Variants in DYSF observed in about 807,000 individuals in gnomAD.
DYSF encodes the protein dysferlin.
In DYSF, 212 loss-of-function variants were observed where a neutral mutation model predicts 274.9. The ratio of observed to expected loss-of-function variants is 0.77; its 90% CI spans 0.69 to 0.86. The LOEUF is 0.86. DYSF is among the 40% of genes least tolerant of loss of function. The pLI, the probability that DYSF is intolerant of heterozygous loss-of-function variation, is 0.00. For synonymous variants in DYSF, 1,091 were observed against 1,078.7 expected, an observed-to-expected ratio of 1.01 and a Z score of -0.22; for missense variants, 2,666 against 2,783.2, an observed-to-expected ratio of 0.96 and a Z score of 0.95.
intron 53 of DYSF, among the ~76,000 whole-genome samples, chr2:71,679,684 A>G (rs1444156971): frequency 6.6e-6 from 1 of 152,176 alleles, no homozygotes; most frequent in African/African-American, 2.4e-5. Flanking sequence ...CCCTGAGTCC[A>G]CAGCAGCCAT....
intron 1 of DYSF, among the ~76,000 whole-genome samples, chr2:71,470,673 C>CA (rs776955310): frequency 0.032 from 1,820 of 57,650 alleles, 102 homozygotes; most frequent in African/African-American, 0.043. Flanking sequence ...GACTCCATCT[C>CA]AAAAAAAAAA....
At chr2:71,498,646 G>A (rs551372150) in intron 3 of DYSF, among the ~76,000 whole-genome samples, 4 of 152,300 alleles carry the variant, frequency 2.6e-5, no homozygotes, top group Non-Finnish European at 4.4e-5. Flanking sequence ...AAGTTACTCT[G>A]GTCTCCAGGC....
intron 40 of DYSF, among the ~76,000 whole-genome samples, chr2:71,619,990 G>T (rs6546706): frequency 0.46 from 69,756 of 151,976 alleles, 16,057 homozygotes; most frequent in East Asian, 0.48. Flanking sequence ...GAGTGGAGGT[G>T]GGACTATAAG....
intron 3 of DYSF, among the ~76,000 whole-genome samples, chr2:71,487,716 T>C (rs543711116): frequency 6.6e-6 from 1 of 152,162 alleles, no homozygotes; most frequent in Admixed American, 6.5e-5. Context: ...ACCCTGTTGG[T>C]CAGGCTGGTC....
At chr2:71,569,466 A>G (rs1447540446) in intron 26 of DYSF, among the ~76,000 whole-genome samples, 1 of 152,224 alleles carries the variant, frequency 6.6e-6, no homozygotes, top group Non-Finnish European at 1.5e-5. Context: ...GAAGTATAAC[A>G]TATTATACAG....
At position 71,570,679 on chromosome 2, in the gene DYSF, C is replaced by A. The variant is rs369607332; in HGVS notation, c.3166C>A (p.Arg1056=). The change falls in exon 29 of 56, where the codon CGA becomes AGA. Residue 1056 remains arginine (R), a synonymous_variant. Transcript: ENST00000410020. ...VPAEKMYYTH[R]RRRWVRLRRR... is the part of the protein sequence containing the mutation. ...TGCTGAGAAGATGTACTACACACAC[C>A]GACGGCGGCGCTGGGTGCGCCTGCG... 6 of 1,613,960 alleles carry A rather than the reference C, an allele frequency of 3.7e-6. No homozygotes were observed. The highest frequency in any genetic ancestry group is 4.2e-6 in the Non-Finnish European group (5 of 1,179,988).
chr2:71,569,360 A>C (rs2092297372), intron 26 of DYSF, among the ~76,000 whole-genome samples: 1 of 151,818 alleles, frequency 6.6e-6, no homozygotes, highest in Admixed American at 6.6e-5. Flanking sequence ...GTCCTTCTCC[A>C]TGTCTATTGC....
intron 51 of DYSF, among the ~76,000 whole-genome samples, chr2:71,669,965 C>T (rs2152956861): frequency 6.6e-6 from 1 of 152,254 alleles, no homozygotes; most frequent in South Asian, 2.1e-4. Flanking sequence ...GGCCTCTGTC[C>T]CATCACAGCC....
chr2:71,626,696 A>C (rs1246798236), intron 41 of DYSF, among the ~76,000 whole-genome samples: 1 of 151,674 alleles, frequency 6.6e-6, no homozygotes, highest in African/African-American at 2.4e-5. Context: ...TTTCTTTTTC[A>C]TACTATTATT....
chr2:71,647,764 G>A (rs1038753269), intron 42 of DYSF, among the ~76,000 whole-genome samples: 7 of 152,330 alleles, frequency 4.6e-5, no homozygotes, highest in Middle Eastern at 3.4e-3. Context: ...GACAGATAAT[G>A]GTTACATGGG....
chr2:71,529,633 C>T (rs1559087975), intron 14 of DYSF, among the ~76,000 whole-genome samples: 1 of 152,172 alleles, frequency 6.6e-6, no homozygotes, highest in Non-Finnish European at 1.5e-5. Context: ...CAGACAGCTC[C>T]CTTATAAATC....
chr2:71,520,314 A>G (rs2087117802), intron 11 of DYSF, 106 bp downstream of exon 11: 1 of 1,240,790 alleles, frequency 8.1e-7, no homozygotes, highest in South Asian at 1.2e-5. Flanking sequence ...TTTAGAATCT[A>G]GAGGAAGGGT....
chr2:71,494,860 G>T (rs2084217920), intron 3 of DYSF, among the ~76,000 whole-genome samples: 1 of 152,218 alleles, frequency 6.6e-6, no homozygotes, highest in South Asian at 2.1e-4. Flanking sequence ...ATTGGCTACA[G>T]TTTTTCTCCC....
intron 3 of DYSF, among the ~76,000 whole-genome samples, chr2:71,500,827 G>A (rs911570736): frequency 6.6e-6 from 1 of 151,974 alleles, no homozygotes; most frequent in African/African-American, 2.4e-5. Context: ...TGCTCTGGGG[G>A]ATTGACAGGG....
chr2:71,614,967 C>A (rs1434811080), intron 40 of DYSF, among the ~76,000 whole-genome samples: 1 of 152,154 alleles, frequency 6.6e-6, no homozygotes, highest in African/African-American at 2.4e-5. Context: ...TTGCCCCAAA[C>A]TCTGGCTGCC....
chr2:71,569,772 G>C, intron 26 of DYSF, 48 bp from the exon 27 acceptor site: 7 of 1,513,356 alleles, frequency 4.6e-6, no homozygotes, highest in Non-Finnish European at 6.4e-6. Context: ...GATGGATGGG[G>C]GCCTCTCCAG....
At chr2:71,620,958 C>A (rs962974983) in intron 41 of DYSF, among the ~76,000 whole-genome samples, 39 of 152,044 alleles carry the variant, frequency 2.6e-4, no homozygotes, top group Non-Finnish European at 5.1e-4. Flanking sequence ...CTCTTCTGGG[C>A]GTGGGACCTC....
chr2:71,637,222 G>T (rs2152918063), intron 41 of DYSF, among the ~76,000 whole-genome samples: 2 of 152,236 alleles, frequency 1.3e-5, no homozygotes, highest in South Asian at 4.2e-4. Flanking sequence ...AGAGGGGAGG[G>T]ATGTTGGTGA....
Position 71,511,849 on chromosome 2 carries a change from G to C in DYSF, c.388G>C (p.Ala130Pro). 1 of 1,551,746 alleles carries C rather than the reference G, an allele frequency of 6.4e-7. No individual in the cohort carries two copies. The highest frequency in any genetic ancestry group is 8.7e-7 in the Non-Finnish European group (1 of 1,147,004). ...LQVSYTPLPG[A>P]VPLFPPPTPL... ...GGTGTCCTACACACCGCTGCCTGGA[G>C]CTGTGCCCCTGTTCCCGCCCCCTAC... The change falls in exon 5 of 56, where the codon GCT (alanine) becomes CCT (proline). Residue 130 changes from alanine to proline, a missense_variant. By Grantham distance (27) the Ala-to-Pro change is conservative (BLOSUM62 -1). Transcript: ENST00000410020.
Sources: allele counts gnomAD v4.1 joint callset (sites outside exome capture counted in the v4.1 genomes callset), GRCh38; gene constraint gnomAD v4.1.1; transcripts MANE v1.5; gene names NCBI Gene and HGNC (gene_info 2026-07-23, HGNC 2026-07-21).